EXT1: variants seen among roughly 807,000 people sequenced by gnomAD.
The protein encoded by EXT1 is exostosin-1.
In EXT1, 20 loss-of-function variants were observed where a neutral mutation model predicts 82.5. The observed-to-expected ratio is 0.24, with a 90% confidence interval of 0.17 to 0.35. The LOEUF is 0.35. EXT1 is among the 10% of genes least tolerant of loss of function. EXT1 has a pLI of 1.00. For missense variants in EXT1, 757 were observed against 936.5 expected (o/e 0.81, Z 2.50); for synonymous variants, 348 against 350.8 (o/e 0.99, Z 0.09).
intron 1 of EXT1, among the ~76,000 whole-genome samples, chr8:118,019,929 G>C (rs1816071303): frequency 6.6e-6 from 1 of 152,148 alleles, no homozygotes; most frequent in African/African-American, 2.4e-5. Context: ...TTCTTTCATA[G>C]TCTCATGTTT....
At chr8:117,983,173 A>T (rs751925323) in intron 1 of EXT1, among the ~76,000 whole-genome samples, 21 of 152,222 alleles carry the variant, frequency 1.4e-4, no homozygotes, top group Non-Finnish European at 2.2e-4. Flanking sequence ...CATGAATAAC[A>T]GCATAAACTA....
intron 1 of EXT1, among the ~76,000 whole-genome samples, chr8:117,920,650 C>T (rs534595124): frequency 1.3e-5 from 2 of 152,162 alleles, no homozygotes; most frequent in East Asian, 1.9e-4. Flanking sequence ...TGCCTTTACA[C>T]GACCAATACG....
intron 1 of EXT1, among the ~76,000 whole-genome samples, chr8:117,998,659 G>A (rs1304602602): frequency 6.6e-6 from 1 of 152,120 alleles, no homozygotes; most frequent in African/African-American, 2.4e-5. Flanking sequence ...CTGATCATGA[G>A]GATAAGAAAG....
At chr8:118,000,203 TAA>T (rs1030876119) in intron 1 of EXT1, among the ~76,000 whole-genome samples, 1 of 152,126 alleles carries the variant, frequency 6.6e-6, no homozygotes, top group African/African-American at 2.4e-5. Flanking sequence ...TCTGTGTGTA[TAA>T]AAGACAGATG....
chr8:117,872,583 T>C (rs1563586764), intron 1 of EXT1, among the ~76,000 whole-genome samples: 1 of 152,188 alleles, frequency 6.6e-6, no homozygotes, highest in Admixed American at 6.5e-5. Flanking sequence ...TGGATTTTAA[T>C]ATGTTTCTGA....
intron 10 of EXT1, among the ~76,000 whole-genome samples, chr8:117,802,212 T>C (rs1002712060): frequency 6.6e-5 from 10 of 152,216 alleles, no homozygotes; most frequent in Non-Finnish European, 1.0e-4. Flanking sequence ...TACTGTTTGG[T>C]AGAATTAGGC....
Position 117,897,591 on chromosome 8 carries a change from C to CTTTTTTTTTTTTTTT in EXT1, c.963-60405_963-60391dup, listed in dbSNP as rs34963536. On this transcript the variant is annotated intron_variant, in intron 1 of 10. Transcript: ENST00000378204. ...TAGCCCATTGCCGGGCTTCTTTTCT[C>CTTTTTTTTTTTTTTT]TTTTTTTTTTTTTTTTTTTTTGAGA... Among the ~76,000 whole-genome samples, 125 of 90,686 alleles carry CTTTTTTTTTTTTTTT rather than the reference C, an allele frequency of 1.4e-3. 8 individuals are homozygous for CTTTTTTTTTTTTTTT. Among genetic ancestry groups the CTTTTTTTTTTTTTTT allele is most frequent in the African/African-American group, 3.8e-3 (88 of 22,890 alleles). The allele number at this position is 90,686 out of a possible 152,430, so 59.5% of individuals were successfully genotyped here.
intron 1 of EXT1, among the ~76,000 whole-genome samples, chr8:117,870,898 C>T (rs1402346712): frequency 6.6e-6 from 1 of 151,656 alleles, no homozygotes; most frequent in African/African-American, 2.4e-5. Context: ...CAATTTAAAA[C>T]ATCACCTTAG....
intron 1 of EXT1, among the ~76,000 whole-genome samples, chr8:118,083,452 G>C (rs1245133279): frequency 6.6e-6 from 1 of 152,152 alleles, no homozygotes; most frequent in Non-Finnish European, 1.5e-5. Flanking sequence ...TAATGATTCA[G>C]GTTGTCAAGG....
intron 1 of EXT1, among the ~76,000 whole-genome samples, chr8:117,866,621 G>A (rs953349902): frequency 2.2e-4 from 34 of 152,066 alleles, no homozygotes; most frequent in Admixed American, 1.7e-3. Flanking sequence ...TCAAAGTTAC[G>A]GAAACCTAGA....
chr8:118,014,474 G>A (rs1815965193), intron 1 of EXT1, among the ~76,000 whole-genome samples: 1 of 152,178 alleles, frequency 6.6e-6, no homozygotes, highest in Admixed American at 6.5e-5. Flanking sequence ...TCTTTAAAAT[G>A]TGGTCTGAGA....
At chr8:117,933,236 A>ATTTT (rs34159778) in intron 1 of EXT1, among the ~76,000 whole-genome samples, 1 of 133,260 alleles carries the variant, frequency 7.5e-6, no homozygotes, top group Non-Finnish European at 1.6e-5. Flanking sequence ...TCTGCTGGGT[A>ATTTT]TTTTTTTTTT....
intron 1 of EXT1, among the ~76,000 whole-genome samples, chr8:117,975,000 TG>T: frequency 6.6e-6 from 1 of 152,366 alleles, no homozygotes; most frequent in Non-Finnish European, 1.5e-5. Context: ...AAACCTTGGT[TG>T]AAAGCCAAGT....
At chr8:117,994,005 G>C (rs1278779686) in intron 1 of EXT1, among the ~76,000 whole-genome samples, 1 of 152,176 alleles carries the variant, frequency 6.6e-6, no homozygotes, top group East Asian at 1.9e-4. Flanking sequence ...AAAAGTTACA[G>C]AGCTAGCAAA....
chr8:117,997,245 CTATA>C (rs67974546), intron 1 of EXT1, among the ~76,000 whole-genome samples: 1 of 136,250 alleles, frequency 7.3e-6, no homozygotes, highest in Non-Finnish European at 1.6e-5. Context: ...AGTTGTCATA[CTATA>C]TATATATATA....
intron 1 of EXT1, among the ~76,000 whole-genome samples, chr8:118,109,360 T>TAAAA (rs35438767): frequency 2.2e-5 from 3 of 138,592 alleles, no homozygotes; most frequent in South Asian, 4.7e-4. Context: ...GGCCCACATT[T>TAAAA]AAAAAAAAAA....
intron 1 of EXT1, among the ~76,000 whole-genome samples, chr8:117,869,857 G>GTT (rs1812840498): frequency 6.6e-6 from 1 of 152,038 alleles, no homozygotes; most frequent in African/African-American, 2.4e-5. Flanking sequence ...ATAAGGTAAT[G>GTT]TTAGGTGAGT....
At chr8:117,939,649 A>G (rs567357221) in intron 1 of EXT1, among the ~76,000 whole-genome samples, 9 of 152,200 alleles carry the variant, frequency 5.9e-5, no homozygotes, top group Non-Finnish European at 1.0e-4. Context: ...AAGTCCCACA[A>G]CTGATAACTA....
Position 118,110,778 on chromosome 8 carries a change from G to A in EXT1, c.269C>T (p.Ser90Phe). 1 of 1,614,048 alleles carries A rather than the reference G, an allele frequency of 6.2e-7. No homozygotes were observed. The highest frequency in any genetic ancestry group is 1.1e-5 in the South Asian group (1 of 91,076). The change falls in exon 1 of 11, where the codon TCC becomes TTC. Residue 90 changes from serine to phenylalanine, a missense_variant. Around this residue, in one of 4 missense-constraint regions of EXT1, gnomAD observed 175 missense variants for 159.0 expected, o/e 1.10. Coordinates refer to ENST00000378204, the MANE Select transcript of EXT1 (RefSeq NM_000127.3). The part of the protein sequence containing the change: ...ISPRQKRDAN[S>F]SIYKGKKCRM... ...GCACTTCTTGCCTTTGTAGATGCTG[G>A]AGTTGGCATCTCGCTTCTGCCGGGG...
Sources: gnomAD v4.1 joint callset for allele counts (sites outside exome capture counted in the v4.1 genomes callset) on GRCh38, gnomAD v4.1.1 for gene constraint, gnomAD v4.1.1 regional missense constraint, MANE v1.5 for transcripts, NCBI Gene and HGNC (gene_info 2026-07-23, HGNC 2026-07-21) for gene names.